The following UPP2 variants were observed in gnomAD, a reference collection of about 807,000 sequenced individuals.
The protein encoded by UPP2 is UPase 2.
In UPP2, 23 loss-of-function variants were observed where a neutral mutation model predicts 26.7. The ratio of observed to expected loss-of-function variants is 0.86; its 90% CI spans 0.62 to 1.22. UPP2 has a LOEUF of 1.22. UPP2 is among the 50% of genes most tolerant of loss of function. UPP2 has a pLI of 0.00. For missense variants in UPP2, 387 were observed against 396.7 expected, an observed-to-expected ratio of 0.98 and a Z score of 0.21; for synonymous variants, 127 against 141.3, an observed-to-expected ratio of 0.90 and a Z score of 0.72.
intron 6 of UPP2, among the ~76,000 whole-genome samples, chr2:158,128,701 G>A (rs568175028): frequency 6.8e-4 from 104 of 152,238 alleles, no homozygotes; most frequent in African/African-American, 2.5e-3. Context: ...AGCAGCCTCC[G>A]TGTGGACACA....
At chr2:158,039,124 G>A (rs1028395898) in intron 3 of UPP2, among the ~76,000 whole-genome samples, 13 of 152,300 alleles carry the variant, frequency 8.5e-5, no homozygotes, top group South Asian at 2.1e-4. Context: ...GGTGCGTGAC[G>A]TAAGCCATAG....
chr2:158,094,895 G>A (rs1682962716), intron 3 of UPP2, among the ~76,000 whole-genome samples: 1 of 152,178 alleles, frequency 6.6e-6, no homozygotes. Context: ...TGTGGAGGCT[G>A]ATTTCCCAAT....
At chr2:158,069,275 T>G (rs1471212603) in intron 3 of UPP2, among the ~76,000 whole-genome samples, 2 of 152,198 alleles carry the variant, frequency 1.3e-5, no homozygotes, top group Non-Finnish European at 2.9e-5. Flanking sequence ...TCCTTTTTGC[T>G]TGCTCCATGA....
chr2:158,070,907 G>A (rs900085228), intron 3 of UPP2, among the ~76,000 whole-genome samples: 2 of 152,264 alleles, frequency 1.3e-5, no homozygotes, highest in Middle Eastern at 3.4e-3. Context: ...ATTGAACTCA[G>A]TGCTGTTCTG....
At chr2:158,130,214 G>A (rs1683783804) in intron 6 of UPP2, among the ~76,000 whole-genome samples, 1 of 151,258 alleles carries the variant, frequency 6.6e-6, no homozygotes. Flanking sequence ...AGGCCGAGAT[G>A]GGCAAATCAC....
rs73007743 is a variant in UPP2, at chr2:158,128,241, G to A, written c.811+4346G>A. ...CTTGGACAGACACTGGTAACTTAGG[G>A]AAATATTTAGTCTTTATAATATTAC... On this transcript the variant is annotated intron_variant, in intron 6 of 6. Coordinates refer to ENST00000005756, the MANE Select transcript of UPP2 (RefSeq NM_173355.4). Among the ~76,000 whole-genome samples the A allele has an allele frequency of 5.7e-3, 871 of 152,262 alleles. 9 individuals are homozygous for A. Among genetic ancestry groups the A allele is most frequent in the African/African-American group, 0.02 (836 of 41,536 alleles).
rs912528877 is a variant in UPP2 at position 158,010,820 on chromosome 2, C to T, written c.62-4981C>T. Among the ~76,000 whole-genome samples, 12 of 147,646 alleles carry T rather than the reference C, an allele frequency of 8.1e-5. No individual in the cohort carries two copies. The East Asian group carries it at 2.0e-3, about 24-fold the overall frequency. ...TCGCTCTGTCACCCAGGCTGGAGTGCAGTGGCACAATCTGGGCTCACTGCA... is the reference window on the plus strand; with the variant it reads ...TCGCTCTGTCACCCAGGCTGGAGTGTAGTGGCACAATCTGGGCTCACTGCA... On this transcript the variant is annotated intron_variant, in intron 2 of 9. Transcript: ENST00000605860.
chr2:158,010,584 A>G (rs921580146), intron 2 of UPP2, among the ~76,000 whole-genome samples: 1 of 152,194 alleles, frequency 6.6e-6, no homozygotes, highest in Non-Finnish European at 1.5e-5. Flanking sequence ...TAAGCAGGAA[A>G]GAAGAACGGG....
chr2:158,042,643 A>G (rs1284743597), intron 3 of UPP2, among the ~76,000 whole-genome samples: 1 of 152,236 alleles, frequency 6.6e-6, no homozygotes, highest in African/African-American at 2.4e-5. Flanking sequence ...AAACCCTGGT[A>G]TAACAAGAAA....
intron 6 of UPP2, 109 bp downstream of exon 6, chr2:158,124,004 G>C: frequency 8.1e-7 from 1 of 1,229,398 alleles, no homozygotes; most frequent in Non-Finnish European, 1.1e-6. Context: ...TGGGCTGAAG[G>C]CATGACTTAT....
At chr2:158,103,244 A>G (rs2105211579) in intron 1 of UPP2, among the ~76,000 whole-genome samples, 1 of 152,320 alleles carries the variant, frequency 6.6e-6, no homozygotes, top group South Asian at 2.1e-4. Context: ...ACAGTCCCCC[A>G]AATTTTCTGA....
At chr2:158,102,178 A>G (rs1010202979) in intron 1 of UPP2, 53 bp downstream of exon 1, 42 of 1,590,698 alleles carry the variant, frequency 2.6e-5, no homozygotes, top group Non-Finnish European at 6.8e-6. Flanking sequence ...TGCTCCTTGG[A>G]TTTTGTATTA....
upstream of UPP2, among the ~76,000 whole-genome samples, chr2:158,097,810 T>C (rs1683011476): frequency 6.6e-6 from 1 of 152,142 alleles, no homozygotes; most frequent in South Asian, 2.1e-4. Context: ...ACAAACACCG[T>C]AGGGTTGTAG....
intron 3 of UPP2, among the ~76,000 whole-genome samples, chr2:158,069,349 G>A (rs1042231368): frequency 2.6e-5 from 4 of 152,214 alleles, no homozygotes; most frequent in Admixed American, 6.5e-5. Flanking sequence ...TGCTAGTAGA[G>A]TGTGCAGAAG....
intron 3 of UPP2, among the ~76,000 whole-genome samples, chr2:158,041,462 C>T (rs1245865047): frequency 6.6e-5 from 9 of 136,434 alleles, no homozygotes; most frequent in East Asian, 2.2e-4. Context: ...CTCATTTCCC[C>T]GAGAGTCTCT....
chr2:158,101,608 C>T (rs1167119148), upstream of UPP2, among the ~76,000 whole-genome samples: 2 of 152,186 alleles, frequency 1.3e-5, no homozygotes, highest in African/African-American at 2.4e-5. Flanking sequence ...TTGAGAAGAC[C>T]TGGTAGGTGT....
intron 3 of UPP2, among the ~76,000 whole-genome samples, chr2:158,016,348 T>A (rs1267092995): frequency 6.6e-6 from 1 of 150,414 alleles, no homozygotes; most frequent in Non-Finnish European, 1.5e-5. Context: ...ATTAGATGAT[T>A]TTTTTTTTTG....
chr2:158,054,008 G>A lies in UPP2; in HGVS notation c.147+38122G>A, dbSNP rs189932232. 5.3e-5 allele frequency among the ~76,000 whole-genome samples: 8 copies of A among 152,268 alleles called. No homozygotes were observed. In the East Asian group the frequency reaches 1.2e-3, roughly 22 times the overall value. On this transcript the variant is annotated intron_variant, in intron 3 of 9. Coordinates refer to the UPP2 transcript ENST00000605860. The stretch of plus-strand genomic sequence containing the variant: ...TAGTAGCTGTGTTGAATAAAAGTCT[G>A]CATTTTTGAAAAAGTGCAAAAGGAG...
At chr2:158,051,942 C>T (rs1170318571) in intron 3 of UPP2, among the ~76,000 whole-genome samples, 1 of 152,176 alleles carries the variant, frequency 6.6e-6, no homozygotes, top group African/African-American at 2.4e-5. Context: ...CACACATATC[C>T]TCTGCTGGGA....
Sources: gnomAD v4.1 joint callset for allele counts (sites outside exome capture counted in the v4.1 genomes callset) on GRCh38, gnomAD v4.1.1 for gene constraint, MANE v1.5 for transcripts, NCBI Gene and HGNC (gene_info 2026-07-23, HGNC 2026-07-21) for gene names.